MYO3B: variants seen among roughly 807,000 people sequenced by gnomAD.
The protein encoded by MYO3B is myosin IIIB, also known as myosin-IIIb.
In MYO3B, 156 loss-of-function variants were observed where a neutral mutation model predicts 174.6. That is an observed-to-expected ratio of 0.89 (90% CI 0.78 to 1.02). MYO3B has a LOEUF of 1.02. MYO3B is among the 50% of genes least tolerant of loss of function. The probability of loss-of-function intolerance (pLI) is 0.00; values close to 1 mark genes in which losing one functional copy is unlikely to be tolerated. For missense variants in MYO3B, 1,632 were observed against 1,639.4 expected, an observed-to-expected ratio of 1.00 and a Z score of 0.08; for synonymous variants, 563 against 569.1, an observed-to-expected ratio of 0.99 and a Z score of 0.15.
At chr2:170,563,438 TCAACA>T (rs1458853065) in intron 32 of MYO3B, among the ~76,000 whole-genome samples, 1 of 152,082 alleles carries the variant, frequency 6.6e-6, no homozygotes, top group African/African-American at 2.4e-5. Flanking sequence ...AAGGACACAG[TCAACA>T]CAAGACAACC....
intron 32 of MYO3B, among the ~76,000 whole-genome samples, chr2:170,575,269 T>C (rs146309311): frequency 3.0e-4 from 45 of 152,266 alleles, no homozygotes; most frequent in African/African-American, 1.1e-3. Context: ...AAATAAAGTA[T>C]ATAATATAAA....
intron 32 of MYO3B, among the ~76,000 whole-genome samples, chr2:170,588,614 T>G (rs578167369): frequency 1.8e-4 from 27 of 152,338 alleles, no homozygotes; most frequent in Admixed American, 3.9e-4. Flanking sequence ...CCACACAGTC[T>G]TCTTTTATTG....
At chr2:170,479,425 T>G (rs980917839) in intron 25 of MYO3B, among the ~76,000 whole-genome samples, 57 of 146,364 alleles carry the variant, frequency 3.9e-4, no homozygotes, top group Non-Finnish European at 9.0e-5. Context: ...TGTGTGTATA[T>G]GTATTTAAAA....
chr2:170,248,502 A>G (rs2093216494), intron 7 of MYO3B, among the ~76,000 whole-genome samples: 1 of 152,198 alleles, frequency 6.6e-6, no homozygotes, highest in Non-Finnish European at 1.5e-5. Context: ...GAAGTCTGAA[A>G]TGGGTCTCCC....
intron 32 of MYO3B, among the ~76,000 whole-genome samples, chr2:170,550,257 A>C (rs1690791424): frequency 6.6e-6 from 1 of 152,220 alleles, no homozygotes; most frequent in Non-Finnish European, 1.5e-5. Context: ...AAGGAATTAC[A>C]GGTATAGAAT....
intron 32 of MYO3B, among the ~76,000 whole-genome samples, chr2:170,621,037 C>T (rs189111103): frequency 2.5e-3 from 373 of 152,048 alleles, no homozygotes; most frequent in Non-Finnish European, 3.5e-3. Context: ...TACAGGCACC[C>T]GCCACTGTGC....
At chr2:170,583,760 GCAAA>G (rs1259580899) in intron 32 of MYO3B, among the ~76,000 whole-genome samples, 1 of 152,098 alleles carries the variant, frequency 6.6e-6, no homozygotes, top group African/African-American at 2.4e-5. Flanking sequence ...TCCTTGATGA[GCAAA>G]CAGTTTGAGA....
At chr2:170,245,042 G>A (rs1431215190) in intron 7 of MYO3B, among the ~76,000 whole-genome samples, 1 of 152,168 alleles carries the variant, frequency 6.6e-6, no homozygotes, top group Non-Finnish European at 1.5e-5. Flanking sequence ...AATCGTGTTG[G>A]TATGAACACA....
chr2:170,543,818 A>G (rs1690285792), intron 31 of MYO3B, 74 bp from the exon 32 acceptor site: 1 of 1,244,068 alleles, frequency 8.0e-7, no homozygotes, highest in Non-Finnish European at 1.2e-6. Flanking sequence ...CCCTTCATTA[A>G]ATAGAAGCCA....
At chr2:170,310,942 AAC>A (rs1409317744) in intron 7 of MYO3B, among the ~76,000 whole-genome samples, 1 of 152,092 alleles carries the variant, frequency 6.6e-6, no homozygotes, top group African/African-American at 2.4e-5. Flanking sequence ...CATGGCCTGA[AAC>A]AGTCTCTCAG....
chr2:170,525,164 C>T (rs1378269543), intron 30 of MYO3B, among the ~76,000 whole-genome samples: 1 of 152,154 alleles, frequency 6.6e-6, no homozygotes, highest in Non-Finnish European at 1.5e-5. Flanking sequence ...CCTAAAGCCT[C>T]ATGGGAAAGG....
At chr2:170,342,812 AT>A (rs2093986145) in intron 8 of MYO3B, among the ~76,000 whole-genome samples, 1 of 152,130 alleles carries the variant, frequency 6.6e-6, no homozygotes, top group South Asian at 2.1e-4. Context: ...TGGAGCTGGG[AT>A]TTGAACCCCA....
At chr2:170,511,394 T>G (rs756551516) in intron 28 of MYO3B, among the ~76,000 whole-genome samples, 34 of 152,150 alleles carry the variant, frequency 2.2e-4, no homozygotes, top group Non-Finnish European at 4.7e-4. Context: ...GAGTAAAATG[T>G]ATAGTAAAGT....
intron 28 of MYO3B, among the ~76,000 whole-genome samples, chr2:170,508,759 G>C (rs996196781): frequency 2.0e-5 from 3 of 152,186 alleles, no homozygotes; most frequent in African/African-American, 7.2e-5. Context: ...GGAGTTTAGA[G>C]TCAAACAATG....
At chr2:170,264,244 C>T (rs1292464804) in intron 7 of MYO3B, among the ~76,000 whole-genome samples, 1 of 152,218 alleles carries the variant, frequency 6.6e-6, no homozygotes, top group Non-Finnish European at 1.5e-5. Flanking sequence ...TCTTTCTTTT[C>T]CCCACATTCG....
chr2:170,387,960 G>T (rs34654153), intron 14 of MYO3B, among the ~76,000 whole-genome samples: 34,512 of 151,952 alleles, frequency 0.23, 4,688 homozygotes, highest in Non-Finnish European at 0.31. Context: ...CTCTTCCTAT[G>T]ATAATAATAT....
intron 7 of MYO3B, among the ~76,000 whole-genome samples, chr2:170,238,334 T>C (rs1302266039): frequency 6.6e-6 from 1 of 152,190 alleles, no homozygotes; most frequent in Non-Finnish European, 1.5e-5. Context: ...TCGATCTCAG[T>C]TCAGTGCCTG....
intron 32 of MYO3B, among the ~76,000 whole-genome samples, chr2:170,612,564 A>G (rs1249896401): frequency 6.6e-6 from 1 of 152,160 alleles, no homozygotes; most frequent in Non-Finnish European, 1.5e-5. Context: ...GCACAGAATA[A>G]GCACTGAATA....
intron 7 of MYO3B, among the ~76,000 whole-genome samples, chr2:170,293,478 TA>T (rs974211852): frequency 1.3e-5 from 2 of 152,318 alleles, no homozygotes; most frequent in African/African-American, 4.8e-5. Flanking sequence ...TTTTCACAGA[TA>T]TTTTTTGGTG....
Sources: gnomAD v4.1 joint callset for allele counts (sites outside exome capture counted in the v4.1 genomes callset) on GRCh38, gnomAD v4.1.1 for gene constraint, MANE v1.5 for transcripts, NCBI Gene and HGNC (gene_info 2026-07-23, HGNC 2026-07-21) for gene names.